Variants in MACROD2 observed in about 807,000 individuals in gnomAD.
MACROD2 encodes the protein ADP-ribose glycohydrolase MACROD2.
MACROD2 carries 36 observed loss-of-function variants against 70.4 expected under a neutral mutation model. The observed-to-expected ratio is 0.51, with a 90% CI of 0.39 to 0.68. The LOEUF (loss-of-function observed/expected upper bound fraction) is 0.68, where lower values mean the gene tolerates loss of function less well. Ranked by LOEUF, MACROD2 falls within the 30% of genes least tolerant of loss-of-function variation. MACROD2 has a pLI of 0.00. For synonymous variants in MACROD2, 172 were observed against 178.8 expected (o/e 0.96, Z 0.30); for missense variants, 496 against 538.4 (o/e 0.92, Z 0.78).
At chr20:14,317,816 T>A (rs1320811048) in intron 3 of MACROD2, among the ~76,000 whole-genome samples, 2 of 152,128 alleles carry the variant, frequency 1.3e-5, no homozygotes, top group Non-Finnish European at 2.9e-5. Flanking sequence ...ATAGGGATAA[T>A]AATTCCTATC....
intron 8 of MACROD2, among the ~76,000 whole-genome samples, chr20:15,836,895 A>G (rs115729017): frequency 1.6e-3 from 244 of 152,364 alleles, no homozygotes; most frequent in African/African-American, 5.7e-3. Flanking sequence ...CCAGTTGTGT[A>G]TTACAAAGAT....
intron 5 of MACROD2, among the ~76,000 whole-genome samples, chr20:15,213,596 A>T (rs548020751): frequency 6.6e-6 from 1 of 152,150 alleles, no homozygotes; most frequent in African/African-American, 2.4e-5. Flanking sequence ...AGGTGAAGGA[A>T]GGCCAATGTT....
chr20:14,559,436 G>C (rs1409573214), intron 4 of MACROD2, among the ~76,000 whole-genome samples: 11 of 151,664 alleles, frequency 7.3e-5, no homozygotes, highest in Non-Finnish European at 1.6e-4. Context: ...AGAGTGGTCA[G>C]CTATGGAAGA....
At chr20:15,117,401 A>C (rs895174970) in intron 5 of MACROD2, among the ~76,000 whole-genome samples, 1 of 152,088 alleles carries the variant, frequency 6.6e-6, no homozygotes, top group African/African-American at 2.4e-5. Context: ...TTCCTTCGAA[A>C]CCCAAAACTG....
At chr20:15,257,405 T>C (rs991784438) in intron 6 of MACROD2, among the ~76,000 whole-genome samples, 5 of 152,022 alleles carry the variant, frequency 3.3e-5, no homozygotes, top group Non-Finnish European at 7.4e-5. Flanking sequence ...TGAGAACCTA[T>C]CAAGTGCTAG....
Position 14,820,439 on chromosome 20 carries a change from A to G in MACROD2, c.418+135480A>G, listed in dbSNP as rs576168600. Among the ~76,000 whole-genome samples the G allele has an allele frequency of 5.2e-4, 75 of 145,036 alleles. 2 individuals carry two copies. In the South Asian group the frequency reaches 0.016, roughly 30 times the overall value. ...TTCTTATAAAAATACAGCTACTGTGATATCTTCTGCTGAACATGTGGCTCA... is the reference window on the plus strand; with the variant it reads ...TTCTTATAAAAATACAGCTACTGTGGTATCTTCTGCTGAACATGTGGCTCA... On this transcript the variant is annotated intron_variant, in intron 5 of 17. Transcript: ENST00000684519.
intron 6 of MACROD2, among the ~76,000 whole-genome samples, chr20:15,277,314 G>A (rs1161943974): frequency 2.0e-5 from 3 of 152,128 alleles, no homozygotes; most frequent in African/African-American, 7.2e-5. Context: ...TGAAAAACTT[G>A]ATCAAAAGCC....
At chr20:15,626,534 G>T (rs1036197340) in intron 8 of MACROD2, among the ~76,000 whole-genome samples, 6 of 152,156 alleles carry the variant, frequency 3.9e-5, no homozygotes, top group South Asian at 4.1e-4. Context: ...GAGCTAAAAG[G>T]TTTATATTAT....
In MACROD2 at chr20:14,887,058, A is replaced by G. The variant is rs761269698; in HGVS notation, c.418+202099A>G. ...ATGGGAGGCACTTCCATTTTGGCCCATTATGAGAATAACAAGACAAAATAG... is the reference window on the plus strand; with the variant it reads ...ATGGGAGGCACTTCCATTTTGGCCCGTTATGAGAATAACAAGACAAAATAG... On this transcript the variant is annotated intron_variant, in intron 5 of 17. Coordinates refer to ENST00000684519, the MANE Select transcript of MACROD2 (RefSeq NM_001351661.2). Among the ~76,000 whole-genome samples, 2 of 152,180 alleles carry G rather than the reference A, an allele frequency of 1.3e-5. 1 individual carries two copies. Among genetic ancestry groups the G allele is most frequent in the Non-Finnish European group, 2.9e-5 (2 of 68,016 alleles).
At chr20:14,473,997 A>ATTTTATTAT (rs1239535045) in intron 3 of MACROD2, among the ~76,000 whole-genome samples, 3 of 151,686 alleles carry the variant, frequency 2.0e-5, no homozygotes, top group African/African-American at 4.8e-5. Context: ...TAGTTGGATT[A>ATTTTATTAT]TTTTATTATT....
rs76126804 is a variant in MACROD2, at chr20:14,303,243, T to C, written c.272-190236T>C. ...GAAACTGACCACCAGCCATTTCTTA[T>C]AGGAAATGCACAAGGCCTCAGGCAG... is the stretch of plus-strand genomic sequence containing the variant. On this transcript the variant is annotated intron_variant, in intron 3 of 17. Transcript: ENST00000684519. Among the ~76,000 whole-genome samples the C allele has an allele frequency of 2.8e-3, 429 of 152,286 alleles. 2 individuals are homozygous for C. Among genetic ancestry groups the C allele is most frequent in the African/African-American group, 9.6e-3 (401 of 41,572 alleles).
chr20:15,528,785 AAG>A, intron 8 of MACROD2, among the ~76,000 whole-genome samples: 1 of 151,932 alleles, frequency 6.6e-6, no homozygotes, highest in East Asian at 1.9e-4. Context: ...GAAGAAGAAG[AAG>A]CAAATGCCTG....
At chr20:14,479,500 C>A (rs886586937) in intron 3 of MACROD2, among the ~76,000 whole-genome samples, 1 of 152,136 alleles carries the variant, frequency 6.6e-6, no homozygotes, top group African/African-American at 2.4e-5. Context: ...CCCTGGGTCA[C>A]CTTCTTCCTT....
intron 5 of MACROD2, among the ~76,000 whole-genome samples, chr20:14,910,684 C>G (rs756731752): frequency 1.3e-5 from 2 of 152,168 alleles, no homozygotes; most frequent in Non-Finnish European, 2.9e-5. Flanking sequence ...TTGGTTACAA[C>G]CCATTGACTG....
chr20:14,555,850 G>A (rs1328678087), intron 4 of MACROD2, among the ~76,000 whole-genome samples: 3 of 152,036 alleles, frequency 2.0e-5, no homozygotes, highest in Non-Finnish European at 4.4e-5. Flanking sequence ...AGTATGTGGT[G>A]AGGTGGGGCT....
intron 8 of MACROD2, among the ~76,000 whole-genome samples, chr20:15,725,797 A>C (rs2050852702): frequency 6.6e-6 from 1 of 151,940 alleles, no homozygotes; most frequent in African/African-American, 2.4e-5. Context: ...CTCATTGAAT[A>C]ATATGCAAAG....
chr20:14,310,517 C>G (rs1212955535), intron 3 of MACROD2, among the ~76,000 whole-genome samples: 3 of 152,146 alleles, frequency 2.0e-5, no homozygotes, highest in African/African-American at 7.2e-5. Context: ...ACCTACCATG[C>G]TGCCAGGTGT....
At chr20:15,276,365 A>G (rs572681811) in intron 6 of MACROD2, among the ~76,000 whole-genome samples, 1 of 142,174 alleles carries the variant, frequency 7.0e-6, no homozygotes, top group Non-Finnish European at 1.5e-5. Flanking sequence ...GTGCCACTGC[A>G]CTCTGGCCTG....
intron 2 of MACROD2, among the ~76,000 whole-genome samples, chr20:14,054,060 A>G (rs2053604708): frequency 6.6e-6 from 1 of 151,916 alleles, no homozygotes; most frequent in Non-Finnish European, 1.5e-5. Flanking sequence ...TTTAGTTTTT[A>G]ATTTTTTTAG....
Sources: gnomAD v4.1 joint callset for allele counts (sites outside exome capture counted in the v4.1 genomes callset) on GRCh38, gnomAD v4.1.1 for gene constraint, MANE v1.5 for transcripts, NCBI Gene and HGNC (gene_info 2026-07-23, HGNC 2026-07-21) for gene names.